PALLD: variants seen among roughly 807,000 people sequenced by gnomAD.
The protein encoded by PALLD is palladin, cytoskeletal associated protein, also known as palladin.
In PALLD, 61 loss-of-function variants were observed where a neutral mutation model predicts 123.5. The observed-to-expected ratio is 0.49, with a 90% confidence interval of 0.40 to 0.61. The LOEUF (loss-of-function observed/expected upper bound fraction) is 0.61, where lower values mean the gene tolerates loss of function less well. PALLD is among the 20% of genes least tolerant of loss of function. The pLI is 0.00. For synonymous variants in PALLD, 465 were observed against 496.4 expected (o/e 0.94, Z 0.84); for missense variants, 1,273 against 1,377.0 (o/e 0.92, Z 1.20).
At chr4:168,592,459 A>C (rs1177878419) in intron 2 of PALLD, among the ~76,000 whole-genome samples, 1 of 152,118 alleles carries the variant, frequency 6.6e-6, no homozygotes, top group Non-Finnish European at 1.5e-5. Context: ...TTTACTTAGA[A>C]CCTAAAGTAC....
At chr4:168,861,254 C>T (rs1016122784) in intron 10 of PALLD, among the ~76,000 whole-genome samples, 2 of 145,584 alleles carry the variant, frequency 1.4e-5, no homozygotes, top group East Asian at 2.0e-4. Context: ...ACTGAATAAT[C>T]GAATAAATCT....
intron 10 of PALLD, among the ~76,000 whole-genome samples, chr4:168,875,072 A>G: frequency 6.6e-6 from 1 of 152,078 alleles, no homozygotes; most frequent in South Asian, 2.1e-4. Context: ...TAGTATTTCC[A>G]AAATACTATG....
At chr4:168,823,958 G>A (rs1743070968) in intron 10 of PALLD, among the ~76,000 whole-genome samples, 2 of 152,208 alleles carry the variant, frequency 1.3e-5, no homozygotes, top group South Asian at 4.1e-4. Context: ...GGGCAAACAA[G>A]GGAACAATGA....
chr4:168,773,335 C>T (rs1037597583), intron 10 of PALLD, among the ~76,000 whole-genome samples: 5 of 152,184 alleles, frequency 3.3e-5, no homozygotes, highest in Non-Finnish European at 7.3e-5. Context: ...GCAGGAGCTT[C>T]CACCAGGTTT....
intron 10 of PALLD, among the ~76,000 whole-genome samples, chr4:168,737,719 T>C (rs1787900138): frequency 6.6e-6 from 1 of 152,220 alleles, no homozygotes. Context: ...TTGTTCCTTG[T>C]GTCTATGGTG....
In PALLD at chr4:168,703,635, T is replaced by C. The variant is rs1397018909; in HGVS notation, c.1502-5393T>C. 2.2e-4 allele frequency among the ~76,000 whole-genome samples: 30 copies of C among 133,640 alleles called. 1 individual carries two copies. The highest frequency in any genetic ancestry group is 4.2e-4 in the Non-Finnish European group (27 of 64,652). 87.7% of individuals were successfully genotyped at this position (133,640 alleles called of 152,430 possible). On this transcript the variant is annotated intron_variant, in intron 8 of 21. Transcript: ENST00000505667. ...GTGAGATGGTATCTCATTGTGGTTT[T>C]GATTTGCATTTCTCTGATGGCCAGT...
intron 10 of PALLD, among the ~76,000 whole-genome samples, chr4:168,746,752 A>C (rs2150367873): frequency 6.6e-6 from 1 of 152,344 alleles, no homozygotes; most frequent in East Asian, 1.9e-4. Context: ...GGACCAAGAG[A>C]TATAAATGAT....
intron 2 of PALLD, among the ~76,000 whole-genome samples, chr4:168,533,228 A>C (rs7672777): frequency 0.42 from 63,404 of 151,932 alleles, 14,339 homozygotes; most frequent in African/African-American, 0.6. Flanking sequence ...TAACTAAATT[A>C]TTTTAAAAAT....
At chr4:168,579,475 A>G (rs1308408979) in intron 2 of PALLD, among the ~76,000 whole-genome samples, 1 of 152,154 alleles carries the variant, frequency 6.6e-6, no homozygotes, top group African/African-American at 2.4e-5. Context: ...TTAGCTATGC[A>G]ATACAGCGCA....
chr4:168,613,699 A>C (rs1158302198), intron 2 of PALLD, among the ~76,000 whole-genome samples: 1 of 152,226 alleles, frequency 6.6e-6, no homozygotes, highest in African/African-American at 2.4e-5. Flanking sequence ...AATTAGAAAT[A>C]ATGAACCTCT....
At chr4:168,613,498 C>G (rs955402984) in intron 2 of PALLD, among the ~76,000 whole-genome samples, 1 of 152,204 alleles carries the variant, frequency 6.6e-6, no homozygotes, top group African/African-American at 2.4e-5. Context: ...GCACTCTCTG[C>G]AATTAATTGT....
intron 2 of PALLD, among the ~76,000 whole-genome samples, chr4:168,554,016 G>A (rs1243398584): frequency 6.6e-6 from 1 of 152,290 alleles, no homozygotes; most frequent in South Asian, 2.1e-4. Context: ...AAGGTCCGTG[G>A]CAGCAGAGAC....
At chr4:168,555,808 A>T (rs1259614759) in intron 2 of PALLD, among the ~76,000 whole-genome samples, 1 of 152,174 alleles carries the variant, frequency 6.6e-6, no homozygotes, top group Non-Finnish European at 1.5e-5. Flanking sequence ...GCCCATCTTG[A>T]CACCTTATTA....
intron 10 of PALLD, among the ~76,000 whole-genome samples, chr4:168,824,757 A>C (rs2150813548): frequency 6.6e-6 from 1 of 151,832 alleles, no homozygotes; most frequent in Admixed American, 6.5e-5. Context: ...AACAGGCAAT[A>C]TCAATATTAT....
At chr4:168,499,566 C>G (rs1269000440) in intron 1 of PALLD, among the ~76,000 whole-genome samples, 1 of 151,388 alleles carries the variant, frequency 6.6e-6, no homozygotes, top group Admixed American at 6.6e-5. Context: ...AACTGCTAAA[C>G]CTAAAATTAA....
chr4:168,759,224 T>G (rs1456050983), intron 10 of PALLD, among the ~76,000 whole-genome samples: 2 of 33,904 alleles, frequency 5.9e-5, no homozygotes, highest in African/African-American at 2.2e-4. Flanking sequence ...TATATATATA[T>G]ATATATATAT....
Position 168,684,871 on chromosome 4 carries a change from A to T in PALLD, c.1261-614A>T, listed in dbSNP as rs368319211. Among the ~76,000 whole-genome samples the T allele has an allele frequency of 2.9e-3, 436 of 152,320 alleles. 2 individuals carry two copies. The highest frequency in any genetic ancestry group is 0.024 in the Middle Eastern group (7 of 294). On this transcript the variant is annotated intron_variant, in intron 5 of 21. Transcript: ENST00000505667. ...CACTTACATAAGTGAATAAATCCAGATCATTTAAAAATAAGTGATAGTACA... is the reference window on the plus strand; with the variant it reads ...CACTTACATAAGTGAATAAATCCAGTTCATTTAAAAATAAGTGATAGTACA...
chr4:168,608,064 C>T (rs544832287), intron 2 of PALLD, among the ~76,000 whole-genome samples: 6 of 152,262 alleles, frequency 3.9e-5, no homozygotes, highest in East Asian at 3.9e-4. Context: ...CAGTAGGTCC[C>T]GTTTTTACAA....
chr4:168,687,779 C>G (rs540994626), intron 6 of PALLD, among the ~76,000 whole-genome samples: 1 of 152,212 alleles, frequency 6.6e-6, no homozygotes, highest in Admixed American at 6.5e-5. Context: ...TGGTCTTTCC[C>G]CCTTCCCCAA....
Sources: gnomAD v4.1 joint callset for allele counts (sites outside exome capture counted in the v4.1 genomes callset) on GRCh38, gnomAD v4.1.1 for gene constraint, MANE v1.5 for transcripts, NCBI Gene and HGNC (gene_info 2026-07-23, HGNC 2026-07-21) for gene names.